Variants in RELN observed in about 807,000 individuals in gnomAD.
RELN encodes the protein reelin.
RELN carries 108 observed loss-of-function variants against 427.6 expected under a neutral mutation model. That is an observed-to-expected ratio of 0.25 (90% CI 0.22 to 0.30). The LOEUF is 0.30. RELN is among the 10% of genes least tolerant of loss of function. The pLI is 1.00. For missense variants in RELN, 3,715 were observed against 4,302.8 expected (o/e 0.86, Z 3.82); for synonymous variants, 1,524 against 1,513.4 (o/e 1.01, Z -0.16).
At chr7:103,904,255 C>T (rs1795145713) in intron 2 of RELN, among the ~76,000 whole-genome samples, 1 of 152,112 alleles carries the variant, frequency 6.6e-6, no homozygotes, top group African/African-American at 2.4e-5. Context: ...TAGTCTATCA[C>T]TGATGGGCAT....
In RELN at chr7:103,561,663, G is replaced by C. The variant is rs150148125; in HGVS notation, c.5398C>G (p.Leu1800Val). The C allele has an allele frequency of 1.7e-5, 27 of 1,613,892 alleles. No individual in the cohort carries two copies. In the African/African-American group the frequency reaches 3.6e-4, roughly 22 times the overall value. Reference sequence around the variant, plus strand: ...AAATCGTCTTTAAGAATCGAGGGCAGAGGAACAACAGGAACACAATAGGGT... The same window carrying C: ...AAATCGTCTTTAAGAATCGAGGGCACAGGAACAACAGGAACACAATAGGGT... ...GGPYCVPVVP[L>V]PSILKDDFNG... Residue 1800 changes from leucine (L) to valine (V), a missense_variant, in exon 36 of 65, where the codon CTG becomes GTG. Transcript: ENST00000428762.
intron 1 of RELN, among the ~76,000 whole-genome samples, chr7:103,919,306 C>T: frequency 6.6e-6 from 1 of 151,912 alleles, no homozygotes; most frequent in Non-Finnish European, 1.5e-5. Flanking sequence ...AACATGCAGA[C>T]CATTTCAGAA....
At chr7:103,936,608 G>C (rs550580039) in intron 1 of RELN, among the ~76,000 whole-genome samples, 18 of 151,884 alleles carry the variant, frequency 1.2e-4, no homozygotes, top group African/African-American at 4.1e-4. Context: ...GCCTCATCTT[G>C]AACAATAAAT....
chr7:103,770,323 A>C (rs1791533098), intron 4 of RELN, among the ~76,000 whole-genome samples: 1 of 152,160 alleles, frequency 6.6e-6, no homozygotes, highest in African/African-American at 2.4e-5. Flanking sequence ...TGACTTCGTG[A>C]TCCACCCGTC....
chr7:103,778,531 C>T lies in RELN; in HGVS notation c.474-1904G>A, dbSNP rs1019834599. 9.2e-5 allele frequency among the ~76,000 whole-genome samples: 14 copies of T among 152,196 alleles called. No homozygotes were observed. In the East Asian group the frequency reaches 2.5e-3, roughly 27 times the overall value. On this transcript the variant is annotated intron_variant, in intron 3 of 64. Coordinates refer to ENST00000428762, the MANE Select transcript of RELN (RefSeq NM_005045.4). ...GTGCCAGCCTATGCTCCCATGAACA[C>T]GATCAGCCAAATTATCAAAATAAGA...
chr7:103,971,152 C>CAAAAAA (rs559162833), intron 1 of RELN, among the ~76,000 whole-genome samples: 2 of 81,274 alleles, frequency 2.5e-5, no homozygotes, highest in Non-Finnish European at 2.8e-5. Context: ...GACTCTATCT[C>CAAAAAA]AAAAAAAAAA....
chr7:103,957,751 T>C (rs1796464016), intron 1 of RELN, among the ~76,000 whole-genome samples: 1 of 152,218 alleles, frequency 6.6e-6, no homozygotes, highest in African/African-American at 2.4e-5. Flanking sequence ...TTTTTAGATT[T>C]CAGAGTCATT....
intron 1 of RELN, among the ~76,000 whole-genome samples, chr7:103,937,458 C>T (rs1796012069): frequency 6.6e-6 from 1 of 152,156 alleles, no homozygotes; most frequent in Non-Finnish European, 1.5e-5. Context: ...CTGATAAGGT[C>T]ATATGGATAT....
At position 103,953,501 on chromosome 7, in the gene RELN, G is replaced by A. The variant is rs2116769914; in HGVS notation, c.226+35630C>T. On this transcript the variant is annotated intron_variant, in intron 1 of 64. Transcript: ENST00000428762. This position sits in a 1 kb window ranked among gnomAD's most constrained non-coding sequence, Gnocchi z 4.3. ...ATTTTGGCAGTGCTGATATTTTTAAGGCACTGGTAGGGGGACATACACACA... is the reference window on the plus strand; with the variant it reads ...ATTTTGGCAGTGCTGATATTTTTAAAGCACTGGTAGGGGGACATACACACA... Among the ~76,000 whole-genome samples, 1 of 152,254 alleles carries A rather than the reference G, an allele frequency of 6.6e-6. No individual in the cohort carries two copies. The highest frequency in any genetic ancestry group is 6.5e-5 in the Admixed American group (1 of 15,292).
chr7:103,813,782 TG>T (rs2116347706), intron 3 of RELN, among the ~76,000 whole-genome samples: 1 of 152,290 alleles, frequency 6.6e-6, no homozygotes, highest in East Asian at 1.9e-4. Context: ...TCTGTATTTT[TG>T]TCTTCTTTTT....
chr7:103,694,676 A>C (rs1833940003), intron 10 of RELN, among the ~76,000 whole-genome samples: 1 of 151,780 alleles, frequency 6.6e-6, no homozygotes, highest in South Asian at 2.1e-4. Flanking sequence ...TGTTAGATGT[A>C]CTCTTTGAGA....
intron 11 of RELN, among the ~76,000 whole-genome samples, chr7:103,678,117 C>G (rs1438053159): frequency 6.6e-6 from 1 of 152,066 alleles, no homozygotes; most frequent in East Asian, 1.9e-4. Flanking sequence ...TGTGGAGTTT[C>G]TCTTTAGTAC....
intron 1 of RELN, among the ~76,000 whole-genome samples, chr7:103,952,712 G>A (rs1051348962): frequency 2.0e-5 from 3 of 152,112 alleles, no homozygotes; most frequent in Non-Finnish European, 4.4e-5. Context: ...CATTATGGAG[G>A]TGCACACTCA....
At chr7:103,776,336 A>G (rs1232502079) in intron 4 of RELN, among the ~76,000 whole-genome samples, 8 of 152,370 alleles carry the variant, frequency 5.3e-5, no homozygotes, top group Non-Finnish European at 1.5e-5. Flanking sequence ...GAAAAAAATT[A>G]TGAAAATAAA....
At chr7:103,918,661 C>T (rs1463739274) in intron 1 of RELN, among the ~76,000 whole-genome samples, 2 of 152,062 alleles carry the variant, frequency 1.3e-5, no homozygotes, top group African/African-American at 4.8e-5. Context: ...TAATGAATAA[C>T]TTATTCATAT....
chr7:103,679,524 A>G (rs999531062), intron 11 of RELN, among the ~76,000 whole-genome samples: 5 of 152,182 alleles, frequency 3.3e-5, no homozygotes, highest in Non-Finnish European at 7.3e-5. Context: ...CCAGCTTCTT[A>G]ACTGTGACCA....
intron 10 of RELN, among the ~76,000 whole-genome samples, chr7:103,689,258 G>C (rs370192760): frequency 1.3e-5 from 2 of 151,812 alleles, no homozygotes; most frequent in Non-Finnish European, 2.9e-5. Flanking sequence ...GGGTAATAAA[G>C]AGAAAAAGAT....
At position 103,661,426 on chromosome 7, in the gene RELN, G is replaced by A. The variant is rs1443734144; in HGVS notation, c.1391C>T (p.Pro464Leu). Residue 464 changes from proline (P) to leucine (L), a missense_variant, in exon 12 of 65, where the codon CCA becomes CTA. Pro to Leu is a moderately conservative substitution (Grantham distance 98). Transcript: ENST00000428762. ...CCCATAACCGGTAGTGTCCATGGAT[G>A]GAGTGCATAATTTCCTCTCTCCATC... ...LKDGERKLCTPSMDTTGYGNL... is the reference protein window; with the variant it reads ...LKDGERKLCTLSMDTTGYGNL... 3.7e-6 allele frequency: 6 copies of A among 1,613,730 alleles called. No homozygotes were observed. The South Asian group carries it at 4.4e-5, about 12-fold the overall frequency.
At chr7:103,624,251 A>G (rs951451625) in intron 20 of RELN, among the ~76,000 whole-genome samples, 4 of 152,102 alleles carry the variant, frequency 2.6e-5, no homozygotes, top group Non-Finnish European at 4.4e-5. Context: ...GCATTTGTCA[A>G]TTCCCTTTGA....
Sources: gnomAD v4.1 joint callset for allele counts (sites outside exome capture counted in the v4.1 genomes callset) on GRCh38, gnomAD v4.1.1 for gene constraint, Gnocchi (gnomAD v3.1) non-coding constraint, MANE v1.5 for transcripts, NCBI Gene and HGNC (gene_info 2026-07-23, HGNC 2026-07-21) for gene names.